The following VIPAS39 variants were observed in gnomAD, a reference collection of about 807,000 sequenced individuals.
VIPAS39 encodes the protein spermatogenesis-defective protein 39 homolog.
Under a neutral mutation model 84.7 loss-of-function variants are expected in VIPAS39, and 63 were observed. The observed-to-expected ratio is 0.74, with a 90% CI of 0.61 to 0.92. The LOEUF (loss-of-function observed/expected upper bound fraction) is 0.92, where lower values mean the gene tolerates loss of function less well. Ranked by LOEUF, VIPAS39 falls within the 40% of genes least tolerant of loss-of-function variation. VIPAS39 has a pLI of 0.00. For synonymous variants in VIPAS39, 192 were observed against 216.5 expected (o/e 0.89, Z 0.99); for missense variants, 499 against 604.5 (o/e 0.83, Z 1.83).
At chr14:77,447,340 T>A (rs954291346) in intron 7 of VIPAS39, among the ~76,000 whole-genome samples, 7 of 148,024 alleles carry the variant, frequency 4.7e-5, no homozygotes, top group African/African-American at 1.7e-4. Flanking sequence ...CCTGGCTAAT[T>A]TTTTTTTTTT....
chr14:77,443,190 AAC>A (rs1566731644), intron 8 of VIPAS39, 38 bp from the exon 9 acceptor site: 6 of 1,613,836 alleles, frequency 3.7e-6, no homozygotes, highest in Non-Finnish European at 3.4e-6. Context: ...CAAACTTTCC[AAC>A]ACAGAGTCAT....
At chr14:77,439,023 G>A (rs565218203) in intron 11 of VIPAS39, among the ~76,000 whole-genome samples, 1 of 152,248 alleles carries the variant, frequency 6.6e-6, no homozygotes, top group Non-Finnish European at 1.5e-5. Flanking sequence ...TAACCTTTAA[G>A]AGCTATAGTT....
At chr14:77,437,990 G>A in intron 11 of VIPAS39, 109 bp from the exon 12 acceptor site, 1 of 1,098,024 alleles carries the variant, frequency 9.1e-7, no homozygotes, top group South Asian at 1.3e-5. Context: ...TCATTTCTGG[G>A]TATAGATGGT....
At chr14:77,453,657 T>C (rs1447904311) in intron 2 of VIPAS39, among the ~76,000 whole-genome samples, 1 of 152,216 alleles carries the variant, frequency 6.6e-6, no homozygotes, top group African/African-American at 2.4e-5. Context: ...TGACTTGCTA[T>C]GTAAACCTGA....
Position 77,453,410 on chromosome 14 carries a change from G to A in VIPAS39, c.94-9C>T. 4 of 1,612,938 alleles carry A rather than the reference G, an allele frequency of 2.5e-6. No homozygotes were observed. The highest frequency in any genetic ancestry group is 3.4e-6 in the Non-Finnish European group (4 of 1,179,294). ...CGCTTGGACTCCTTTAACTGCAGAG[G>A]GACACAAGGCTAGGGTGCTCAGGCA... On this transcript the variant is annotated splice_polypyrimidine_tract_variant and intron_variant, in intron 2 of 19. Transcript: ENST00000557658.
At position 77,449,728 on chromosome 14, in the gene VIPAS39, T is replaced by A. The variant is rs993385831; in HGVS notation, c.368A>T (p.Gln123Leu). 13 of 1,614,050 alleles carry A rather than the reference T, an allele frequency of 8.1e-6. No individual in the cohort carries two copies. Among genetic ancestry groups the A allele is most frequent in the Non-Finnish European group, 1.0e-5 (12 of 1,180,026 alleles). The change falls in exon 5 of 20, where the codon CAG becomes CTG. Residue 123 changes from glutamine (Q) to leucine (L), a missense_variant. Coordinates refer to ENST00000557658, the MANE Select transcript of VIPAS39 (RefSeq NM_001193315.2). ...TCAATGCCTACCATCAGAAAGGGACTGGAAACTTCCAGGTCTAGTTCTACC... is the reference window on the plus strand; with the variant it reads ...TCAATGCCTACCATCAGAAAGGGACAGGAAACTTCCAGGTCTAGTTCTACC... ...FRGRTRPGSF[Q>L]SLSDALSDTP...
chr14:77,434,042 C>T, intron 15 of VIPAS39, 111 bp from the exon 16 acceptor site: 1 of 1,357,284 alleles, frequency 7.4e-7, no homozygotes, highest in Non-Finnish European at 1.0e-6. Flanking sequence ...TTGACTCTGC[C>T]CCTTAAAAAT....
At chr14:77,450,752 A>T (rs1594924253) in intron 4 of VIPAS39, among the ~76,000 whole-genome samples, 1 of 152,130 alleles carries the variant, frequency 6.6e-6, no homozygotes, top group African/African-American at 2.4e-5. Context: ...CAGGTGATCC[A>T]CCTGCCTCAG....
intron 11 of VIPAS39, among the ~76,000 whole-genome samples, chr14:77,438,710 TA>T (rs2139797454): frequency 6.6e-6 from 1 of 152,348 alleles, no homozygotes; most frequent in South Asian, 2.1e-4. Flanking sequence ...GCTAAATACC[TA>T]TTTCAGTGTT....
chr14:77,447,099 T>C (rs1037063096), intron 7 of VIPAS39, among the ~76,000 whole-genome samples: 3 of 151,176 alleles, frequency 2.0e-5, no homozygotes, highest in Non-Finnish European at 4.4e-5. Context: ...TGGAGTGCAA[T>C]TGCACAATCT....
At chr14:77,449,811 C>T in intron 4 of VIPAS39, 59 bp from the exon 5 acceptor site, 1 of 1,601,998 alleles carries the variant, frequency 6.2e-7, no homozygotes. Context: ...GCCATCCAGG[C>T]TTGGTTAAAG....
intron 9 of VIPAS39, 119 bp downstream of exon 9, chr14:77,443,000 C>A: frequency 7.2e-7 from 1 of 1,385,776 alleles, no homozygotes; most frequent in Non-Finnish European, 1.0e-6. Flanking sequence ...CTCAGGCCAC[C>A]CCACTTGTCT....
chr14:77,434,567 T>C (rs745346717), intron 14 of VIPAS39, among the ~76,000 whole-genome samples: 2 of 152,084 alleles, frequency 1.3e-5, no homozygotes, highest in Non-Finnish European at 2.9e-5. Context: ...CCTGTTATCA[T>C]GGAATCCATA....
intron 12 of VIPAS39, among the ~76,000 whole-genome samples, chr14:77,436,377 G>C (rs763500034): frequency 5.9e-5 from 9 of 152,170 alleles, no homozygotes; most frequent in Non-Finnish European, 1.3e-4. Flanking sequence ...TGCCATGGTG[G>C]TATGTTTATA....
intron 18 of VIPAS39, among the ~76,000 whole-genome samples, chr14:77,428,719 C>G (rs2078470416): frequency 6.6e-6 from 1 of 152,092 alleles, no homozygotes. Flanking sequence ...GGTCCAGTGC[C>G]CACAGAACTC....
At position 77,427,229 on chromosome 14, in the gene VIPAS39, G is replaced by A. The variant is rs1286002865; in HGVS notation, c.*387C>T. On this transcript the variant is annotated 3_prime_UTR_variant, in exon 20 of 20. Coordinates refer to ENST00000557658, the MANE Select transcript of VIPAS39 (RefSeq NM_001193315.2). Reference sequence around the variant, plus strand: ...CAGAGCAGAACTGCCAATGTCCAGCGCCAAGTCCTGGATCATAATTAGCTG... The same window carrying A: ...CAGAGCAGAACTGCCAATGTCCAGCACCAAGTCCTGGATCATAATTAGCTG... 1.1e-4 allele frequency: 29 copies of A among 265,928 alleles called. No individual in the cohort carries two copies. In the South Asian group the frequency reaches 1.3e-3, roughly 12 times the overall value. The allele number at this position is 265,928 out of a possible 1,614,324, so 16.5% of individuals were successfully genotyped here.
At chr14:77,435,776 TCTC>T in intron 13 of VIPAS39, 65 bp downstream of exon 13, 1 of 1,538,950 alleles carries the variant, frequency 6.5e-7, no homozygotes, top group Non-Finnish European at 9.0e-7. Flanking sequence ...AGCATAGAAA[TCTC>T]CTAGATGCTG....
At chr14:77,453,512 C>G in intron 2 of VIPAS39, 111 bp from the exon 3 acceptor site, 1 of 1,000,116 alleles carries the variant, frequency 1.0e-6, no homozygotes, top group South Asian at 1.3e-5. Context: ...AACACTCGCC[C>G]TGTGCAATCG....
chr14:77,440,182 C>A (rs540177922), intron 11 of VIPAS39: 1 of 148,546 alleles, frequency 6.7e-6, no homozygotes, highest in Non-Finnish European at 1.5e-5. Flanking sequence ...CCGTGCTTGG[C>A]TGGAAATTCT....
Sources: allele counts gnomAD v4.1 joint callset (sites outside exome capture counted in the v4.1 genomes callset), GRCh38; gene constraint gnomAD v4.1.1; transcripts MANE v1.5; gene names NCBI Gene and HGNC (gene_info 2026-07-23, HGNC 2026-07-21).